Variants in SHISA6 observed in about 807,000 individuals in gnomAD.
SHISA6 encodes the protein protein shisa-6.
A neutral mutation model predicts 47.9 loss-of-function variants in SHISA6; 22 were observed. That is an observed-to-expected ratio of 0.46 (90% CI 0.33 to 0.66). The LOEUF is 0.66. Ranked by LOEUF, SHISA6 falls within the 30% of genes least tolerant of loss-of-function variation. The pLI, the probability that SHISA6 is intolerant of heterozygous loss-of-function variation, is 0.02. For synonymous variants in SHISA6, 388 were observed against 337.8 expected (o/e 1.15, Z -1.63); for missense variants, 680 against 764.6 (o/e 0.89, Z 1.30).
intron 5 of SHISA6, among the ~76,000 whole-genome samples, chr17:11,557,413 T>A (rs1212708806): frequency 1.3e-5 from 2 of 152,070 alleles, no homozygotes; most frequent in South Asian, 4.2e-4. Context: ...ACACTGGGGA[T>A]TCTGAGGAAG....
At chr17:11,283,706 T>C (rs1262890718) in intron 2 of SHISA6, among the ~76,000 whole-genome samples, 1 of 152,222 alleles carries the variant, frequency 6.6e-6, no homozygotes. Flanking sequence ...GCCAGCCACC[T>C]TTATTGTTGG....
At chr17:11,525,670 T>A in intron 3 of SHISA6, among the ~76,000 whole-genome samples, 1 of 138,306 alleles carries the variant, frequency 7.2e-6, no homozygotes. Flanking sequence ...AAAAAACGTG[T>A]TATAATAAAC....
At chr17:11,272,317 C>T (rs1908708281) in intron 2 of SHISA6, among the ~76,000 whole-genome samples, 1 of 152,162 alleles carries the variant, frequency 6.6e-6, no homozygotes, top group South Asian at 2.1e-4. Flanking sequence ...CTCAGCCTAG[C>T]CTGCTCTTCC....
At chr17:11,290,068 G>C (rs1298261101) in intron 2 of SHISA6, 1 of 152,052 alleles carries the variant, frequency 6.6e-6, no homozygotes, top group African/African-American at 2.4e-5. Flanking sequence ...TTATGCTTTT[G>C]CCCAAAGGTT....
At chr17:11,414,282 A>G (rs537989820) in intron 3 of SHISA6, among the ~76,000 whole-genome samples, 1 of 152,308 alleles carries the variant, frequency 6.6e-6, no homozygotes, top group Non-Finnish European at 1.5e-5. Flanking sequence ...ACTTTGCAGT[A>G]TCTCATTCTT....
At chr17:11,311,256 T>C (rs1597452193) in intron 2 of SHISA6, among the ~76,000 whole-genome samples, 1 of 131,372 alleles carries the variant, frequency 7.6e-6, no homozygotes, top group East Asian at 2.2e-4. Flanking sequence ...CACTCTAGCC[T>C]GGGAGGCAGA....
intron 2 of SHISA6, among the ~76,000 whole-genome samples, chr17:11,349,193 A>T (rs1911791144): frequency 6.6e-6 from 1 of 152,222 alleles, no homozygotes; most frequent in Non-Finnish European, 1.5e-5. Context: ...TTCCCACCAC[A>T]TAAATTTACC....
chr17:11,319,042 T>G (rs1910617931), intron 2 of SHISA6, among the ~76,000 whole-genome samples: 1 of 151,544 alleles, frequency 6.6e-6, no homozygotes, highest in Admixed American at 6.6e-5. Context: ...TTTTATTATA[T>G]TTTATTTTCT....
At chr17:11,357,187 CAAA>C (rs60564976) in intron 2 of SHISA6, among the ~76,000 whole-genome samples, 3 of 90,130 alleles carry the variant, frequency 3.3e-5, no homozygotes, top group East Asian at 3.3e-4. Context: ...GACTCCGTCT[CAAA>C]AAAAAAAAAA....
rs529327440 is a variant in SHISA6 at position 11,549,337 on chromosome 17, G to T, written c.896-2559G>T. On this transcript the variant is annotated intron_variant, in intron 3 of 5. Transcript: ENST00000441885. ...ATGCCAAGGTAGGAAAAAATCCGCT[G>T]TTAATGAAACATTTTAAGTGAGATT... Among the ~76,000 whole-genome samples the T allele has an allele frequency of 5.0e-4, 76 of 152,310 alleles. No individual in the cohort carries two copies. The South Asian group carries it at 0.013, about 27-fold the overall frequency.
At chr17:11,499,683 C>CTTTCTTTCT (rs1453364830) in intron 3 of SHISA6, among the ~76,000 whole-genome samples, 181 of 127,534 alleles carry the variant, frequency 1.4e-3, no homozygotes, top group African/African-American at 5.3e-3. Flanking sequence ...CTTTTTCTTT[C>CTTTCTTTCT]TTTTTTTTTT....
At chr17:11,261,195 G>C (rs1238227880) in intron 1 of SHISA6, among the ~76,000 whole-genome samples, 1 of 152,150 alleles carries the variant, frequency 6.6e-6, no homozygotes, top group Non-Finnish European at 1.5e-5. Flanking sequence ...GGGAATGAGG[G>C]CTTCCTTCCT....
At chr17:11,301,209 T>C (rs1909916139) in intron 2 of SHISA6, among the ~76,000 whole-genome samples, 1 of 151,934 alleles carries the variant, frequency 6.6e-6, no homozygotes, top group East Asian at 1.9e-4. Context: ...TATGATGTAG[T>C]GGTGGGTACT....
intron 3 of SHISA6, among the ~76,000 whole-genome samples, chr17:11,422,549 T>A (rs1448235753): frequency 6.6e-6 from 1 of 152,134 alleles, no homozygotes; most frequent in Non-Finnish European, 1.5e-5. Context: ...GTCAGGAGTT[T>A]GAGACCAGCC....
chr17:11,241,514 C>T lies in SHISA6; in HGVS notation c.92C>T (p.Ala31Val), dbSNP rs1243987903. Residue 31 changes from alanine to valine, a missense_variant, in exon 1 of 6, where the codon GCC (alanine) becomes GTC (valine). This residue lies in a region of SHISA6 where 121 missense variants were observed against 90.5 expected (regional missense o/e 1.34). Coordinates refer to ENST00000441885, the MANE Select transcript of SHISA6 (RefSeq NM_207386.4). The surrounding 1 kb of genome is among the most constrained non-coding windows in gnomAD (Gnocchi z 5.5). ...GTCCACGGAGCCCGCGGCCGCGCCG[C>T]CAACCGGACCCTGAGTGCAGGCGGC... is the stretch of plus-strand genomic sequence containing the variant. ...PSVHGARGRA[A>V]NRTLSAGGAA... The T allele has an allele frequency of 2.3e-5, 26 of 1,140,414 alleles. No individual in the cohort carries two copies. The highest frequency in any genetic ancestry group is 2.8e-5 in the Non-Finnish European group (26 of 925,930). The allele number at this position is 1,140,414 out of a possible 1,614,324, so 70.6% of individuals were successfully genotyped here.
At chr17:11,481,959 G>A (rs960970387) in intron 3 of SHISA6, among the ~76,000 whole-genome samples, 12 of 152,202 alleles carry the variant, frequency 7.9e-5, no homozygotes, top group African/African-American at 2.7e-4. Context: ...GACAGCTGGA[G>A]ATGCTCTCCA....
chr17:11,273,587 A>G (rs919407727), intron 2 of SHISA6, among the ~76,000 whole-genome samples: 2 of 152,236 alleles, frequency 1.3e-5, no homozygotes, highest in East Asian at 1.9e-4. Context: ...TTCGTGTGTC[A>G]TAATAGAAAC....
intron 2 of SHISA6, among the ~76,000 whole-genome samples, chr17:11,278,952 G>A (rs1333613599): frequency 1.3e-5 from 2 of 152,198 alleles, no homozygotes; most frequent in Admixed American, 6.5e-5. Context: ...AAGCCTTGGA[G>A]AGGCTGGGGT....
intron 3 of SHISA6, among the ~76,000 whole-genome samples, chr17:11,503,547 A>C (rs763453792): frequency 9.2e-5 from 14 of 152,108 alleles, no homozygotes; most frequent in Non-Finnish European, 1.5e-4. Context: ...TCTCAGCCTG[A>C]CAGTCGGTTT....
Sources: gnomAD v4.1 joint callset for allele counts (sites outside exome capture counted in the v4.1 genomes callset) on GRCh38, gnomAD v4.1.1 for gene constraint, gnomAD v4.1.1 regional missense constraint, Gnocchi (gnomAD v3.1) non-coding constraint, MANE v1.5 for transcripts, NCBI Gene and HGNC (gene_info 2026-07-23, HGNC 2026-07-21) for gene names.